SHOC2: variants seen among roughly 807,000 people sequenced by gnomAD.
SHOC2 encodes leucine-rich repeat protein SHOC-2.
A neutral mutation model predicts 50.2 loss-of-function variants in SHOC2; 4 were observed. That is an observed-to-expected ratio of 0.08 (90% confidence interval 0.04 to 0.18). The LOEUF is 0.18. Ranked by LOEUF, SHOC2 falls within the 10% of genes least tolerant of loss-of-function variation. SHOC2 has a pLI of 1.00. For synonymous variants in SHOC2, 218 were observed against 244.5 expected (o/e 0.89, Z 1.01); for missense variants, 388 against 669.6 (o/e 0.58, Z 4.64).
At chr10:110,937,209 G>A in intron 1 of SHOC2, 2 of 1,481,408 alleles carry the variant, frequency 1.4e-6, no homozygotes, top group South Asian at 2.3e-5. Flanking sequence ...CGACCATCAA[G>A]CACCAGGACC....
At chr10:110,949,214 A>G (rs999895166) in intron 1 of SHOC2, among the ~76,000 whole-genome samples, 1 of 152,178 alleles carries the variant, frequency 6.6e-6, no homozygotes, top group Non-Finnish European at 1.5e-5. Context: ...TAGCTAGACT[A>G]TGCAAAAAAA....
At chr10:110,946,893 A>G (rs1847256064) in intron 1 of SHOC2, among the ~76,000 whole-genome samples, 1 of 152,208 alleles carries the variant, frequency 6.6e-6, no homozygotes, top group South Asian at 2.1e-4. Context: ...AAATAGGAAG[A>G]GTGATGTTAG....
chr10:110,991,360 A>T (rs1233657790), intron 3 of SHOC2, among the ~76,000 whole-genome samples: 1 of 152,146 alleles, frequency 6.6e-6, no homozygotes, highest in Admixed American at 6.5e-5. Flanking sequence ...TGTAGTTTAG[A>T]TGTTATCCTA....
chr10:110,981,109 G>A (rs1203643332), intron 2 of SHOC2, among the ~76,000 whole-genome samples: 1 of 152,138 alleles, frequency 6.6e-6, no homozygotes, highest in African/African-American at 2.4e-5. Context: ...AAAGAACTTT[G>A]TGAATGGCCA....
chr10:110,925,056 G>A, intron 1 of SHOC2, among the ~76,000 whole-genome samples: 1 of 117,930 alleles, frequency 8.5e-6, no homozygotes, highest in Non-Finnish European at 1.7e-5. Flanking sequence ...AGGCGACAGA[G>A]TGAGACTCTG....
At chr10:110,919,420 T>G, upstream of SHOC2, 6 of 386,404 alleles carry the variant, frequency 1.6e-5, no homozygotes, top group Non-Finnish European at 1.8e-5. Flanking sequence ...CCGTCTCTGA[T>G]TGGGCAGCTT....
At chr10:111,001,625 T>G (rs1025417623) in intron 4 of SHOC2, among the ~76,000 whole-genome samples, 1 of 152,230 alleles carries the variant, frequency 6.6e-6, no homozygotes, top group African/African-American at 2.4e-5. Context: ...ATGGATTGAT[T>G]GAGCTTTGCA....
intron 3 of SHOC2, among the ~76,000 whole-genome samples, chr10:110,992,317 C>CT (rs1236706696): frequency 1.3e-5 from 2 of 152,084 alleles, no homozygotes; most frequent in African/African-American, 4.8e-5. Context: ...TCTGATTTAA[C>CT]TGTTAGTCTG....
At chr10:110,998,116 G>A (rs891601517) in intron 3 of SHOC2, among the ~76,000 whole-genome samples, 1 of 151,030 alleles carries the variant, frequency 6.6e-6, no homozygotes, top group Non-Finnish European at 1.5e-5. Flanking sequence ...TCTCCTTCCT[G>A]AGCCTCCCAA....
intron 1 of SHOC2, among the ~76,000 whole-genome samples, chr10:110,944,553 TAATA>T (rs1210875680): frequency 6.6e-6 from 1 of 152,198 alleles, no homozygotes; most frequent in African/African-American, 2.4e-5. Context: ...ACATTTTAAA[TAATA>T]AATGATCTTT....
chr10:110,987,919 C>T (rs1199404810), intron 3 of SHOC2, among the ~76,000 whole-genome samples: 2 of 151,860 alleles, frequency 1.3e-5, no homozygotes, highest in African/African-American at 2.4e-5. Flanking sequence ...ATTAAAAGTC[C>T]CCTAGAATCT....
intron 1 of SHOC2, among the ~76,000 whole-genome samples, chr10:110,940,404 A>C (rs1847112388): frequency 6.6e-6 from 1 of 152,174 alleles, no homozygotes; most frequent in Non-Finnish European, 1.5e-5. Flanking sequence ...TCATATTAGG[A>C]AGAAGGCACA....
At chr10:110,922,621 A>T (rs1401348228) in intron 1 of SHOC2, among the ~76,000 whole-genome samples, 3 of 152,040 alleles carry the variant, frequency 2.0e-5, no homozygotes, top group Non-Finnish European at 2.9e-5. Context: ...TGTATCTTTC[A>T]TGTATGAAAA....
At chr10:110,967,236 C>A (rs770705960) in intron 2 of SHOC2, among the ~76,000 whole-genome samples, 1 of 152,150 alleles carries the variant, frequency 6.6e-6, no homozygotes, top group African/African-American at 2.4e-5. Context: ...AGGTAATTTA[C>A]TGAAGATCAT....
intron 1 of SHOC2, among the ~76,000 whole-genome samples, chr10:110,939,515 G>T (rs1158700708): frequency 6.6e-6 from 1 of 152,190 alleles, no homozygotes; most frequent in East Asian, 1.9e-4. Context: ...CATTGCTTTT[G>T]AGATGGAAAG....
In SHOC2 at chr10:110,924,482, G is replaced by A. The variant is rs961994437; in HGVS notation, c.-235+4825G>A. On this transcript the variant is annotated intron_variant, in intron 1 of 8. Coordinates refer to ENST00000369452, the MANE Select transcript of SHOC2 (RefSeq NM_007373.4). ...GTTTAGGTCCACTTGGGCAGTTAGA[G>A]AAGAATAACAGTTTGGATTCTAGTA... Among the ~76,000 whole-genome samples the A allele has an allele frequency of 4.6e-5, 7 of 152,284 alleles. No individual in the cohort carries two copies. The South Asian group carries it at 8.3e-4, about 18-fold the overall frequency.
intron 3 of SHOC2, among the ~76,000 whole-genome samples, chr10:110,986,396 TATA>T (rs1172777499): frequency 1.3e-5 from 2 of 152,256 alleles, no homozygotes; most frequent in Non-Finnish European, 2.9e-5. Context: ...ATAAGGATAC[TATA>T]ATGTTTATTT....
intron 1 of SHOC2, among the ~76,000 whole-genome samples, chr10:110,923,853 G>A (rs898695262): frequency 2.0e-5 from 3 of 152,030 alleles, no homozygotes; most frequent in African/African-American, 4.8e-5. Flanking sequence ...TACTTTATTT[G>A]CCCTCAATTA....
chr10:110,962,831 C>T (rs760443192), intron 1 of SHOC2, among the ~76,000 whole-genome samples: 5 of 152,176 alleles, frequency 3.3e-5, no homozygotes, highest in African/African-American at 7.2e-5. Context: ...CTTTTCTCAA[C>T]CATTCTCACT....
Sources: allele counts gnomAD v4.1 joint callset (sites outside exome capture counted in the v4.1 genomes callset), GRCh38; gene constraint gnomAD v4.1.1; transcripts MANE v1.5; gene names NCBI Gene and HGNC (gene_info 2026-07-23, HGNC 2026-07-21).